NRP2: variants seen among roughly 807,000 people sequenced by gnomAD.
NRP2 encodes neuropilin-2.
Under a neutral mutation model 110.4 loss-of-function variants are expected in NRP2, and 52 were observed. The observed-to-expected ratio is 0.47, with a 90% CI of 0.38 to 0.59. NRP2 has a LOEUF of 0.59. NRP2 is among the 20% of genes least tolerant of loss of function. The pLI, the probability that NRP2 is intolerant of heterozygous loss-of-function variation, is 0.00. For synonymous variants in NRP2, 508 were observed against 468.9 expected (o/e 1.08, Z -1.08); for missense variants, 1,049 against 1,203.0 (o/e 0.87, Z 1.89).
intron 7 of NRP2, among the ~76,000 whole-genome samples, chr2:205,730,769 C>T (rs929009363): frequency 1.3e-5 from 2 of 152,102 alleles, no homozygotes; most frequent in Admixed American, 6.5e-5. Context: ...CTCAAGGTGG[C>T]GGGGGAGGGC....
In NRP2 at chr2:205,705,467, CT is replaced by C. The variant is rs547671347; in HGVS notation, c.251+7753del. 6.8e-4 allele frequency among the ~76,000 whole-genome samples: 104 copies of C among 152,304 alleles called. 1 individual carries two copies. Among genetic ancestry groups the C allele is most frequent in the African/African-American group, 2.4e-3 (98 of 41,572 alleles). ...TTGGGAGGGCAGCAGAAAAGCATGA[CT>C]TTTTTTATGCCTCTTTTCGAGCTTT... On this transcript the variant is annotated intron_variant, in intron 2 of 16. Coordinates refer to ENST00000357785, the MANE Select transcript of NRP2 (RefSeq NM_003872.3).
At chr2:205,723,759 G>A (rs2057068055) in intron 4 of NRP2, 26 bp from the exon 5 acceptor site, 1 of 1,613,650 alleles carries the variant, frequency 6.2e-7, no homozygotes, top group Admixed American at 1.7e-5. Context: ...GATTTCCACT[G>A]ACTTCTCTTT....
chr2:205,772,874 G>A (rs1173339866), intron 15 of NRP2, among the ~76,000 whole-genome samples: 1 of 152,188 alleles, frequency 6.6e-6, no homozygotes, highest in Non-Finnish European at 1.5e-5. Flanking sequence ...TTCCCATAGA[G>A]GTGCCACATG....
At chr2:205,728,497 A>T (rs1272979063) in intron 7 of NRP2, among the ~76,000 whole-genome samples, 1 of 152,230 alleles carries the variant, frequency 6.6e-6, no homozygotes, top group Non-Finnish European at 1.5e-5. Context: ...GTCCTGGAGA[A>T]GAAAAAGGAC....
At chr2:205,742,198 A>C (rs1231871628) in intron 8 of NRP2, among the ~76,000 whole-genome samples, 1 of 152,232 alleles carries the variant, frequency 6.6e-6, no homozygotes, top group African/African-American at 2.4e-5. Context: ...TCAGTTTGCA[A>C]GTATGAAATG....
chr2:205,705,963 A>G (rs959103820), intron 2 of NRP2, among the ~76,000 whole-genome samples: 9 of 151,936 alleles, frequency 5.9e-5, no homozygotes, highest in African/African-American at 2.2e-4. Context: ...CCAGCGGGGC[A>G]GTCAAGGAGA....
intron 15 of NRP2, among the ~76,000 whole-genome samples, chr2:205,773,372 T>C (rs183061252): frequency 6.6e-6 from 1 of 152,202 alleles, no homozygotes; most frequent in Non-Finnish European, 1.5e-5. Context: ...CATTAAAACA[T>C]GAATTCACAT....
intron 3 of NRP2, chr2:205,722,179 AC>A: frequency 2.6e-6 from 1 of 389,500 alleles, no homozygotes; most frequent in South Asian, 2.5e-5. Flanking sequence ...TCATACACAC[AC>A]ACACACACAC....
chr2:205,777,014 G>C, intron 15 of NRP2: 1 of 1,032,726 alleles, frequency 9.7e-7, no homozygotes, highest in Non-Finnish European at 1.2e-6. Flanking sequence ...TTGTGTGTGT[G>C]TTTGGGCGAG....
chr2:205,729,483 C>T (rs2057194495), intron 7 of NRP2, among the ~76,000 whole-genome samples: 1 of 152,214 alleles, frequency 6.6e-6, no homozygotes, highest in Non-Finnish European at 1.5e-5. Context: ...TTCCACCCCA[C>T]CCTTTTCAAT....
In NRP2 at chr2:205,763,946, G is replaced by A; in HGVS notation, c.2307+10G>A. On this transcript the variant is annotated intron_variant, in intron 13 of 16. Transcript: ENST00000357785. The surrounding 1 kb of genome is among the most constrained non-coding windows in gnomAD (Gnocchi z 4.0). ...CGACATGGAGTACCAGGTGGGGTGA[G>A]CAAAAAGGGAATCTTGTGATCCGTA... 6.2e-7 allele frequency: 1 copy of A among 1,613,284 alleles called. No homozygotes were observed.
intron 2 of NRP2, among the ~76,000 whole-genome samples, chr2:205,713,374 T>C (rs767896261): frequency 2.6e-5 from 4 of 152,242 alleles, no homozygotes; most frequent in Non-Finnish European, 5.9e-5. Flanking sequence ...CGACCTACTG[T>C]GTCTCATTTA....
intron 2 of NRP2, among the ~76,000 whole-genome samples, chr2:205,703,555 T>G (rs1418825950): frequency 6.6e-6 from 1 of 152,226 alleles, no homozygotes; most frequent in East Asian, 1.9e-4. Context: ...ACTCTTGTGC[T>G]GTCTGCCTCC....
At chr2:205,684,610 G>A (rs1456759608) in intron 1 of NRP2, among the ~76,000 whole-genome samples, 1 of 152,112 alleles carries the variant, frequency 6.6e-6, no homozygotes, top group Non-Finnish European at 1.5e-5. Flanking sequence ...TTTATTTGAG[G>A]GGGGAAGAAA....
chr2:205,792,389 C>T, intron 16 of NRP2, 104 bp downstream of exon 16: 2 of 802,248 alleles, frequency 2.5e-6, no homozygotes, highest in East Asian at 4.9e-5. Flanking sequence ...AAATCTAGAA[C>T]TATCAGTCAG....
chr2:205,756,761 T>A (rs1325187228), intron 12 of NRP2: 4 of 152,210 alleles, frequency 2.6e-5, no homozygotes, highest in African/African-American at 7.2e-5. Context: ...TGGAGGGATG[T>A]GTCTTCTGTG....
rs1269370282 is a variant in NRP2 at position 205,763,160 on chromosome 2, A to G, written c.2045-514A>G. 6.6e-6 allele frequency among the ~76,000 whole-genome samples: 1 copy of G among 152,138 alleles called. No homozygotes were observed. The highest frequency in any genetic ancestry group is 6.5e-5 in the Admixed American group (1 of 15,274). On this transcript the variant is annotated intron_variant, in intron 12 of 16. Coordinates refer to ENST00000357785, the MANE Select transcript of NRP2 (RefSeq NM_003872.3). The surrounding 1 kb of genome is among the most constrained non-coding windows in gnomAD (Gnocchi z 4.0). ...AGACAGAAGGTTTTAAATGTCAGCC[A>G]TTTGGACAGTGCCCAGCCAAGATGG... is the stretch of plus-strand genomic sequence containing the variant.
Position 205,763,024 on chromosome 2 carries a change from G to A in NRP2, c.2045-650G>A, listed in dbSNP as rs1224813670. On this transcript the variant is annotated intron_variant, in intron 12 of 16. Transcript: ENST00000357785. The surrounding 1 kb of genome is among the most constrained non-coding windows in gnomAD (Gnocchi z 4.0). ...GCTGTCTCAGAAAGGCCAAGTTCAAGCCTCCCTGAATCATCCCTTTCAGCT... is the reference window on the plus strand; with the variant it reads ...GCTGTCTCAGAAAGGCCAAGTTCAAACCTCCCTGAATCATCCCTTTCAGCT... Among the ~76,000 whole-genome samples, 1 of 152,166 alleles carries A rather than the reference G, an allele frequency of 6.6e-6. No homozygotes were observed. Among genetic ancestry groups the A allele is most frequent in the Non-Finnish European group, 1.5e-5 (1 of 68,026 alleles).
At chr2:205,685,297 A>G (rs1400475658) in intron 1 of NRP2, among the ~76,000 whole-genome samples, 1 of 152,180 alleles carries the variant, frequency 6.6e-6, no homozygotes, top group Non-Finnish European at 1.5e-5. Context: ...GGGACCTGCC[A>G]GGGACCTCCA....
Sources: gnomAD v4.1 joint callset for allele counts (sites outside exome capture counted in the v4.1 genomes callset) on GRCh38, gnomAD v4.1.1 for gene constraint, Gnocchi (gnomAD v3.1) non-coding constraint, MANE v1.5 for transcripts, NCBI Gene and HGNC (gene_info 2026-07-23, HGNC 2026-07-21) for gene names.